SASH1: variants seen among roughly 807,000 people sequenced by gnomAD.
The protein encoded by SASH1 is SAM and SH3 domain containing 1.
SASH1 carries 44 observed loss-of-function variants against 125.2 expected under a neutral mutation model. The ratio of observed to expected loss-of-function variants is 0.35; its 90% CI spans 0.28 to 0.45. The LOEUF (loss-of-function observed/expected upper bound fraction) is 0.45, where lower values mean the gene tolerates loss of function less well. Among genes scored for constraint, SASH1 ranks in the 20% least tolerant of loss-of-function variants. The probability of loss-of-function intolerance (pLI) is 1.00; values close to 1 mark genes in which losing one functional copy is unlikely to be tolerated. For synonymous variants in SASH1, 639 were observed against 649.1 expected (o/e 0.98, Z 0.24); for missense variants, 1,426 against 1,614.5 (o/e 0.88, Z 2.00).
chr6:148,366,025 A>T lies in SASH1; in HGVS notation c.156+22802A>T, dbSNP rs560983593. Reference sequence around the variant, plus strand: ...CTACTCAGGAGGCTGAGACAGGAGAATTGCTTGAACCTGGGAGGTGGAGGT... The same window carrying T: ...CTACTCAGGAGGCTGAGACAGGAGATTTGCTTGAACCTGGGAGGTGGAGGT... On this transcript the variant is annotated intron_variant, in intron 1 of 19. Coordinates refer to ENST00000367467, the MANE Select transcript of SASH1 (RefSeq NM_015278.5). Among the ~76,000 whole-genome samples the T allele has an allele frequency of 1.9e-3, 291 of 152,148 alleles. 1 individual carries two copies. Among genetic ancestry groups the T allele is most frequent in the African/African-American group, 6.7e-3 (277 of 41,506 alleles).
chr6:148,398,448 T>G (rs1289310100), intron 2 of SASH1, among the ~76,000 whole-genome samples: 2 of 152,162 alleles, frequency 1.3e-5, no homozygotes, highest in African/African-American at 4.8e-5. Flanking sequence ...ACATTTGAGC[T>G]TCCTGAATAT....
At chr6:148,387,452 C>G (rs536256041) in intron 1 of SASH1, among the ~76,000 whole-genome samples, 1 of 151,458 alleles carries the variant, frequency 6.6e-6, no homozygotes, top group Admixed American at 6.6e-5. Flanking sequence ...CTTCTCTTCC[C>G]TTTTCTTCTC....
chr6:148,304,971 C>T (rs1780085239), intron 1 of SASH1, among the ~76,000 whole-genome samples: 1 of 152,188 alleles, frequency 6.6e-6, no homozygotes, highest in Non-Finnish European at 1.5e-5. Context: ...GTGGAGGTTG[C>T]AGTGAGCCAA....
chr6:148,544,651 C>T lies in SASH1; in HGVS notation c.3181C>T (p.Leu1061Phe). ...ACCAAGCACAAGGCCGCCCCCCTGG[C>T]TCTCAGAGCTCCCCGAGAACACAAG... Reference protein sequence around the residue: ...SPPSTRPPPWLSELPENTSLQ... With the variant: ...SPPSTRPPPWFSELPENTSLQ... Residue 1061 changes from leucine (L) to phenylalanine (F), a missense_variant, in exon 18 of 20, where the codon CTC becomes TTC. Coordinates refer to ENST00000367467, the MANE Select transcript of SASH1 (RefSeq NM_015278.5). This position sits in a 1 kb window ranked among gnomAD's most constrained non-coding sequence, Gnocchi z 6.4. 1 of 1,613,424 alleles carries T rather than the reference C, an allele frequency of 6.2e-7. No homozygotes were observed. The highest frequency in any genetic ancestry group is 8.5e-7 in the Non-Finnish European group (1 of 1,179,770).
chr6:148,302,055 C>G (rs1779963374), intron 1 of SASH1, among the ~76,000 whole-genome samples: 1 of 151,422 alleles, frequency 6.6e-6, no homozygotes, highest in African/African-American at 2.4e-5. Context: ...GCGGCTCACG[C>G]CTGTAATCCC....
chr6:148,398,130 A>C (rs1784031420), intron 2 of SASH1, among the ~76,000 whole-genome samples: 2 of 152,202 alleles, frequency 1.3e-5, no homozygotes, highest in South Asian at 4.1e-4. Context: ...GCTAGAAACT[A>C]TGGTATAAAC....
chr6:148,361,953 G>T (rs1265898907), intron 1 of SASH1, among the ~76,000 whole-genome samples: 4 of 130,538 alleles, frequency 3.1e-5, no homozygotes, highest in East Asian at 4.4e-4. Flanking sequence ...TCACTCTGTC[G>T]CCCAGGCTGG....
chr6:148,304,176 C>A lies in SASH1; in HGVS notation n.74+31799C>A, dbSNP rs561918391. ...AAAAATGGCTGGGCGCAGTGGCTCACGCCTGTAATCCCAGCACTTTGGGAG... is the reference window on the plus strand; with the variant it reads ...AAAAATGGCTGGGCGCAGTGGCTCAAGCCTGTAATCCCAGCACTTTGGGAG... On this transcript the variant is annotated intron_variant and non_coding_transcript_variant, in intron 1 of 3. Coordinates refer to the SASH1 transcript ENST00000367469. Among the ~76,000 whole-genome samples the A allele has an allele frequency of 6.4e-4, 98 of 152,232 alleles. No homozygotes were observed. In the Middle Eastern group the frequency reaches 0.021, roughly 32 times the overall value.
chr6:148,470,402 C>T (rs1278054021), intron 5 of SASH1, among the ~76,000 whole-genome samples: 1 of 152,208 alleles, frequency 6.6e-6, no homozygotes, highest in Non-Finnish European at 1.5e-5. Context: ...TCGCTGGGCC[C>T]TGTTTCCAGT....
At chr6:148,379,995 A>C (rs1358685196) in intron 1 of SASH1, 1 of 455,604 alleles carries the variant, frequency 2.2e-6, no homozygotes. Flanking sequence ...CCACACAAAG[A>C]GTATTTTTCA....
chr6:148,511,471 A>T (rs1345218771), intron 8 of SASH1, among the ~76,000 whole-genome samples: 14 of 152,104 alleles, frequency 9.2e-5, no homozygotes, highest in Admixed American at 9.2e-4. Flanking sequence ...GAAAAGAAGG[A>T]CTTGGTTGCC....
chr6:148,412,076 C>T (rs373866101), intron 2 of SASH1, among the ~76,000 whole-genome samples: 16 of 152,138 alleles, frequency 1.1e-4, no homozygotes, highest in East Asian at 5.8e-4. Flanking sequence ...ACTCATGACT[C>T]GTTGTAACTT....
intron 1 of SASH1, among the ~76,000 whole-genome samples, chr6:148,310,314 G>A (rs1780267001): frequency 2.0e-5 from 3 of 151,596 alleles, no homozygotes; most frequent in South Asian, 4.2e-4. Flanking sequence ...AGAGTGAAAC[G>A]TTGTCTCAAA....
chr6:148,382,994 G>A (rs1434207606), intron 1 of SASH1, among the ~76,000 whole-genome samples: 5 of 152,226 alleles, frequency 3.3e-5, no homozygotes, highest in Non-Finnish European at 7.3e-5. Flanking sequence ...CAACCCATCT[G>A]TAGAAACACT....
At chr6:148,254,339 G>C in the SASH1 span, among the ~76,000 whole-genome samples, 4 of 151,874 alleles carry the variant, frequency 2.6e-5, no homozygotes, top group East Asian at 7.8e-4. Flanking sequence ...ATAAGACAAG[G>C]TAAAAATTAA....
chr6:148,397,216 C>T (rs940637979), intron 2 of SASH1, among the ~76,000 whole-genome samples: 3 of 152,064 alleles, frequency 2.0e-5, no homozygotes, highest in East Asian at 1.9e-4. Context: ...CACGGTGGCT[C>T]GTGTCTGTAA....
the SASH1 span, among the ~76,000 whole-genome samples, chr6:148,219,677 G>C: frequency 6.6e-6 from 1 of 152,116 alleles, no homozygotes; most frequent in East Asian, 1.9e-4. Context: ...CTAAGGGAAC[G>C]TACCCACTGA....
chr6:148,258,397 T>C, the SASH1 span, among the ~76,000 whole-genome samples: 1 of 152,232 alleles, frequency 6.6e-6, no homozygotes, highest in Non-Finnish European at 1.5e-5. Flanking sequence ...TTTAGATTCA[T>C]AATTCCTTTG....
intron 2 of SASH1, among the ~76,000 whole-genome samples, chr6:148,396,708 T>C (rs1783968074): frequency 6.6e-6 from 1 of 152,046 alleles, no homozygotes; most frequent in African/African-American, 2.4e-5. Flanking sequence ...CCCGGGCTTG[T>C]TGCAGTGAGC....
Sources: allele counts gnomAD v4.1 joint callset (sites outside exome capture counted in the v4.1 genomes callset), GRCh38; gene constraint gnomAD v4.1.1; non-coding constraint Gnocchi (gnomAD v3.1); transcripts MANE v1.5; gene names NCBI Gene and HGNC (gene_info 2026-07-23, HGNC 2026-07-21).